Variants in WWC1 observed in about 807,000 individuals in gnomAD.
WWC1 encodes WW and C2 domain containing 1.
WWC1 carries 55 observed loss-of-function variants against 138.4 expected under a neutral mutation model. The ratio of observed to expected loss-of-function variants is 0.40; its 90% CI spans 0.32 to 0.50. The LOEUF (loss-of-function observed/expected upper bound fraction) is 0.50, where lower values mean the gene tolerates loss of function less well. Among genes scored for constraint, WWC1 ranks in the 20% least tolerant of loss-of-function variants. The pLI is 0.72. For missense variants in WWC1, 1,226 were observed against 1,420.4 expected (o/e 0.86, Z 2.20); for synonymous variants, 524 against 564.9 (o/e 0.93, Z 1.03).
chr5:168,422,142 G>A (rs1561741921), intron 10 of WWC1, 45 bp downstream of exon 10: 1 of 1,581,518 alleles, frequency 6.3e-7, no homozygotes, highest in African/African-American at 1.3e-5. Flanking sequence ...GGCATGGCCA[G>A]ACATGGGTGT....
intron 20 of WWC1, 151 bp from the exon 21 acceptor site, chr5:168,464,578 G>A: frequency 1.5e-6 from 2 of 1,305,306 alleles, no homozygotes; most frequent in East Asian, 2.5e-5. Flanking sequence ...CTGAGTGGGA[G>A]AATTCAAAAC....
chr5:168,452,001 G>C (rs2152883013), intron 17 of WWC1, among the ~76,000 whole-genome samples: 1 of 145,800 alleles, frequency 6.9e-6, no homozygotes, highest in Middle Eastern at 3.6e-3. Flanking sequence ...CACCTCTTGG[G>C]TTCAAGCAAT....
At position 168,403,077 on chromosome 5, in the gene WWC1, T is replaced by TCTTTCTCTCTTTCTTTCTTTCTTC. The variant is rs1561712560; in HGVS notation, c.591-3117_591-3116insCTCTCTTTCTTTCTTTCTTCCTTT. On this transcript the variant is annotated intron_variant, in intron 5 of 22. Transcript: ENST00000265293. ...TTCTTTCTTTCTTTCTTTCTTTCTT[T>TCTTTCTCTCTTTCTTTCTTTCTTC]CTTTTCTTTCTTTTCTTTCTTTCTT... is the stretch of plus-strand genomic sequence containing the variant. Among the ~76,000 whole-genome samples, 219 of 135,774 alleles carry TCTTTCTCTCTTTCTTTCTTTCTTC rather than the reference T, an allele frequency of 1.6e-3. 1 individual carries two copies. Among genetic ancestry groups the TCTTTCTCTCTTTCTTTCTTTCTTC allele is most frequent in the Middle Eastern group, 7.4e-3 (2 of 270 alleles). 89.1% of individuals were successfully genotyped at this position (135,774 alleles called of 152,430 possible). A position where few individuals can be genotyped will look rare whatever the true frequency, so the allele number is the denominator to read the frequency against.
chr5:168,445,376 C>T (rs10042345), intron 17 of WWC1, among the ~76,000 whole-genome samples: 68,943 of 151,416 alleles, frequency 0.46, 16,999 homozygotes, highest in African/African-American at 0.66. Flanking sequence ...CTTGAACCCA[C>T]AGTGAAACCT....
intron 21 of WWC1, among the ~76,000 whole-genome samples, chr5:168,467,127 G>A (rs903372752): frequency 6.6e-5 from 10 of 152,096 alleles, no homozygotes; most frequent in African/African-American, 1.4e-4. Context: ...GCATGGTGGC[G>A]GGCGCCTGTA....
intron 1 of WWC1, among the ~76,000 whole-genome samples, chr5:168,364,509 G>A (rs1471484687): frequency 3.9e-5 from 6 of 152,346 alleles, no homozygotes; most frequent in Middle Eastern, 3.4e-3. Flanking sequence ...CTCCCTGCCT[G>A]TTTGGAGTGT....
chr5:168,382,181 C>T (rs1443587980), intron 2 of WWC1, among the ~76,000 whole-genome samples: 1 of 152,152 alleles, frequency 6.6e-6, no homozygotes, highest in Non-Finnish European at 1.5e-5. Context: ...AAAGATGGTG[C>T]ACCTACAGGC....
At chr5:168,294,195 G>A (rs1463085497) in intron 1 of WWC1, among the ~76,000 whole-genome samples, 2 of 152,144 alleles carry the variant, frequency 1.3e-5, no homozygotes, top group African/African-American at 4.8e-5. Context: ...AAAAGGGTAA[G>A]TAAGTAGCTT....
At chr5:168,440,427 G>T (rs966284389) in intron 15 of WWC1, among the ~76,000 whole-genome samples, 1 of 152,232 alleles carries the variant, frequency 6.6e-6, no homozygotes. Flanking sequence ...AATTAAAAAT[G>T]TAACTACCAT....
At chr5:168,442,657 T>C (rs1367069071) in intron 16 of WWC1, among the ~76,000 whole-genome samples, 1 of 151,450 alleles carries the variant, frequency 6.6e-6, no homozygotes, top group Non-Finnish European at 1.5e-5. Context: ...GCCAACATGG[T>C]GAAACCCTGT....
At chr5:168,427,548 AT>A (rs34177139) in intron 11 of WWC1, among the ~76,000 whole-genome samples, 1,095 of 101,136 alleles carry the variant, frequency 0.011, 7 homozygotes, top group African/African-American at 0.035. Flanking sequence ...CTTTTTTTTA[AT>A]TTTTTTTTTT....
chr5:168,460,515 A>G, intron 19 of WWC1, 135 bp from the exon 20 acceptor site: 1 of 736,748 alleles, frequency 1.4e-6, no homozygotes, highest in East Asian at 2.7e-5. Context: ...GAAAGGTCAG[A>G]ATGAAACCTG....
At chr5:168,358,262 G>C (rs1775610803) in intron 1 of WWC1, among the ~76,000 whole-genome samples, 1 of 152,218 alleles carries the variant, frequency 6.6e-6, no homozygotes, top group Admixed American at 6.5e-5. Flanking sequence ...GTCCTGGAGG[G>C]ATGACTTATT....
intron 11 of WWC1, among the ~76,000 whole-genome samples, chr5:168,425,317 G>A (rs1444487229): frequency 6.6e-6 from 1 of 152,122 alleles, no homozygotes; most frequent in Non-Finnish European, 1.5e-5. Flanking sequence ...GACTGAGTAG[G>A]ATGCTCAGTA....
Position 168,464,353 on chromosome 5 carries a change from A to T in WWC1, c.2917-376A>T, listed in dbSNP as rs150162664. On this transcript the variant is annotated intron_variant, in intron 20 of 22. Transcript: ENST00000265293. ...GTGCTGAGAGTACTGAAGCTGGCACAGTGTACAGAGAGGGCGGGTGGGGAC... is the reference window on the plus strand; with the variant it reads ...GTGCTGAGAGTACTGAAGCTGGCACTGTGTACAGAGAGGGCGGGTGGGGAC... Among the ~76,000 whole-genome samples the T allele has an allele frequency of 3.3e-3, 508 of 152,318 alleles. 3 individuals are homozygous for T. The highest frequency in any genetic ancestry group is 0.012 in the African/African-American group (494 of 41,570).
chr5:168,389,063 C>T (rs920519509), intron 3 of WWC1, among the ~76,000 whole-genome samples: 1 of 152,082 alleles, frequency 6.6e-6, no homozygotes, highest in African/African-American at 2.4e-5. Flanking sequence ...AGATTCATTA[C>T]ATTATTCTTT....
chr5:168,402,176 T>C (rs1298206101), intron 5 of WWC1, among the ~76,000 whole-genome samples: 1 of 152,210 alleles, frequency 6.6e-6, no homozygotes, highest in African/African-American at 2.4e-5. Flanking sequence ...CTGCCCCATG[T>C]TTGATATCAG....
At chr5:168,416,722 T>C (rs1047204323) in intron 9 of WWC1, among the ~76,000 whole-genome samples, 2 of 152,198 alleles carry the variant, frequency 1.3e-5, no homozygotes, top group African/African-American at 2.4e-5. Flanking sequence ...AGCAAGTCAT[T>C]GACCAATTTG....
chr5:168,408,441 A>G, intron 6 of WWC1, 66 bp from the exon 7 acceptor site: 1 of 1,572,892 alleles, frequency 6.4e-7, no homozygotes, highest in Non-Finnish European at 8.7e-7. Context: ...AAGCACAGGG[A>G]GCGTGGCAGA....
Sources: gnomAD v4.1 joint callset for allele counts (sites outside exome capture counted in the v4.1 genomes callset) on GRCh38, gnomAD v4.1.1 for gene constraint, MANE v1.5 for transcripts, NCBI Gene and HGNC (gene_info 2026-07-23, HGNC 2026-07-21) for gene names.